The following IL1RAPL2 variants were observed in gnomAD, a reference collection of about 807,000 sequenced individuals.
IL1RAPL2 encodes the protein interleukin 1 receptor accessory protein like 2.
Under a neutral mutation model 44.1 loss-of-function variants are expected in IL1RAPL2, and 3 were observed. That is an observed-to-expected ratio of 0.07 (90% CI 0.03 to 0.18). IL1RAPL2 has a LOEUF of 0.18. Ranked by LOEUF, IL1RAPL2 falls within the 10% of genes least tolerant of loss-of-function variation. The pLI is 1.00. For synonymous variants in IL1RAPL2, 181 were observed against 178.8 expected (o/e 1.01, Z -0.10); for missense variants, 391 against 496.4 (o/e 0.79, Z 2.02).
At chrX:105,697,314 A>G (rs2147535815) in intron 6 of IL1RAPL2, among the ~76,000 whole-genome samples, 1 of 108,354 alleles carries the variant, frequency 9.2e-6, no homozygotes, top group Admixed American at 9.9e-5. Flanking sequence ...AAAAAACACC[A>G]AAATTTCAGT....
At chrX:105,280,470 G>A (rs1178496823) in intron 5 of IL1RAPL2, among the ~76,000 whole-genome samples, 5 of 111,598 alleles carry the variant, frequency 4.5e-5, no homozygotes, top group African/African-American at 1.3e-4. Flanking sequence ...AGCAAAAGAA[G>A]CTATCATCAG....
At chrX:104,697,554 C>T (rs1569298964) in intron 2 of IL1RAPL2, among the ~76,000 whole-genome samples, 1 of 111,936 alleles carries the variant, frequency 8.9e-6, no homozygotes. Flanking sequence ...ATCCACCCAC[C>T]CACCCACTCA....
intron 5 of IL1RAPL2, among the ~76,000 whole-genome samples, chrX:105,461,834 C>T (rs2036094671): frequency 9.0e-6 from 1 of 110,887 alleles, no homozygotes; most frequent in Non-Finnish European, 1.9e-5. Flanking sequence ...AGAAGCCATA[C>T]GTAGGTATAT....
intron 2 of IL1RAPL2, among the ~76,000 whole-genome samples, chrX:104,718,157 C>A (rs1450344225): frequency 9.0e-6 from 1 of 110,638 alleles, no homozygotes; most frequent in Non-Finnish European, 1.9e-5. Context: ...ATTTCTAGTT[C>A]TAGATCCCTG....
At chrX:105,058,127 A>G (rs1252701983) in intron 2 of IL1RAPL2, among the ~76,000 whole-genome samples, 1 of 106,293 alleles carries the variant, frequency 9.4e-6, no homozygotes, top group South Asian at 4.3e-4. Flanking sequence ...TTTTTTTTGT[A>G]TTTTCAGTAG....
intron 2 of IL1RAPL2, among the ~76,000 whole-genome samples, chrX:104,814,006 C>T (rs1414267051): frequency 9.0e-6 from 1 of 110,992 alleles, no homozygotes; most frequent in Non-Finnish European, 1.9e-5. Flanking sequence ...CTGTTTTTTT[C>T]CCTGCTGCCT....
chrX:105,338,402 C>T (rs1271361968), intron 5 of IL1RAPL2, among the ~76,000 whole-genome samples: 1 of 111,825 alleles, frequency 8.9e-6, no homozygotes. Context: ...AGAGGCTGTT[C>T]CTAAATTCCT....
At chrX:104,783,351 T>C (rs1932783869) in intron 2 of IL1RAPL2, among the ~76,000 whole-genome samples, 1 of 111,180 alleles carries the variant, frequency 9.0e-6, no homozygotes, top group Non-Finnish European at 1.9e-5. Context: ...TCGCTGAAAG[T>C]GACCAGTTTC....
intron 2 of IL1RAPL2, among the ~76,000 whole-genome samples, chrX:105,033,432 C>G (rs149392804): frequency 0.023 from 2,577 of 111,309 alleles, 77 homozygotes; most frequent in African/African-American, 0.08. Flanking sequence ...GTGACAAAAT[C>G]TCTCAGCATT....
At chrX:105,357,314 T>G (rs2035210866) in intron 5 of IL1RAPL2, among the ~76,000 whole-genome samples, 2 of 111,875 alleles carry the variant, frequency 1.8e-5, no homozygotes, top group Non-Finnish European at 3.8e-5. Context: ...TAGTTATCAT[T>G]GTTGTCAGAA....
chrX:105,695,960 C>A (rs2038072988), intron 6 of IL1RAPL2, among the ~76,000 whole-genome samples: 1 of 111,869 alleles, frequency 8.9e-6, no homozygotes, highest in Admixed American at 9.5e-5. Flanking sequence ...CATCTAAGGC[C>A]AGGAGGACAG....
intron 2 of IL1RAPL2, among the ~76,000 whole-genome samples, chrX:104,891,066 C>T (rs1923421986): frequency 8.9e-6 from 1 of 111,815 alleles, no homozygotes; most frequent in African/African-American, 3.3e-5. Flanking sequence ...ATCCTTTCCC[C>T]ATTTCTTGTT....
At chrX:104,999,382 A>T (rs1240138106) in intron 2 of IL1RAPL2, among the ~76,000 whole-genome samples, 1 of 111,146 alleles carries the variant, frequency 9.0e-6, no homozygotes, top group Non-Finnish European at 1.9e-5. Flanking sequence ...AATATTTTTT[A>T]AAAGTGCAGA....
In IL1RAPL2 at chrX:105,045,502, G is replaced by T. The variant is rs1005114567; in HGVS notation, c.83-149973G>T. On this transcript the variant is annotated intron_variant, in intron 2 of 10. Coordinates refer to ENST00000372582, the MANE Select transcript of IL1RAPL2 (RefSeq NM_017416.2). ...AGCAGTTAGACAGAACAGAGCAGGG[G>T]ACTGCTCTTTGCATTACAAGCCTAG... Among the ~76,000 whole-genome samples, 8 of 111,809 alleles carry T rather than the reference G, an allele frequency of 7.2e-5. No individual in the cohort carries two copies. In the Admixed American group the frequency reaches 7.6e-4, roughly 11 times the overall value.
At chrX:105,581,607 A>G (rs186800976) in intron 6 of IL1RAPL2, among the ~76,000 whole-genome samples, 1 of 111,651 alleles carries the variant, frequency 9.0e-6, no homozygotes, top group Admixed American at 9.6e-5. Context: ...GGCTGTGTCT[A>G]ATTTTTCAAT....
intron 1 of IL1RAPL2, among the ~76,000 whole-genome samples, chrX:104,603,322 T>A (rs1279387348): frequency 1.8e-5 from 2 of 111,247 alleles, no homozygotes; most frequent in Admixed American, 1.9e-4. Context: ...AGACCAAAGG[T>A]AGATAAATCC....
intron 2 of IL1RAPL2, among the ~76,000 whole-genome samples, chrX:104,950,956 C>G (rs1165617633): frequency 9.0e-6 from 1 of 111,684 alleles, no homozygotes; most frequent in African/African-American, 3.3e-5. Flanking sequence ...TGCCGTCTGT[C>G]ACCCCTTTCT....
At chrX:105,258,875 C>T (rs2034335558) in intron 4 of IL1RAPL2, among the ~76,000 whole-genome samples, 1 of 111,802 alleles carries the variant, frequency 8.9e-6, no homozygotes, top group African/African-American at 3.3e-5. Flanking sequence ...TTTCATCCTC[C>T]TCAATCTCAA....
intron 1 of IL1RAPL2, among the ~76,000 whole-genome samples, chrX:104,617,735 T>G (rs984423989): frequency 8.9e-6 from 1 of 112,146 alleles, no homozygotes; most frequent in African/African-American, 3.2e-5. Flanking sequence ...TATCTCTTCC[T>G]TCATTTCCTG....
Sources: allele counts gnomAD v4.1 joint callset (sites outside exome capture counted in the v4.1 genomes callset), GRCh38; gene constraint gnomAD v4.1.1; transcripts MANE v1.5; gene names NCBI Gene and HGNC (gene_info 2026-07-23, HGNC 2026-07-21).